Variants in RPS6KC1 observed in about 807,000 individuals in gnomAD.
RPS6KC1 encodes the protein ribosomal protein S6 kinase C1, also known as inactive ribosomal protein S6 kinase delta-1.
Under a neutral mutation model 103.8 loss-of-function variants are expected in RPS6KC1, and 54 were observed. That is an observed-to-expected ratio of 0.52 (90% CI 0.42 to 0.65). The LOEUF (loss-of-function observed/expected upper bound fraction) is 0.65. Ranked by LOEUF, RPS6KC1 falls within the 30% of genes least tolerant of loss-of-function variation. RPS6KC1 has a pLI of 0.00. For missense variants in RPS6KC1, 1,151 were observed against 1,253.8 expected (o/e 0.92, Z 1.24); for synonymous variants, 439 against 438.7 (o/e 1.00, Z -0.01).
chr1:213,315,770 T>C, the RPS6KC1 span, among the ~76,000 whole-genome samples: 1 of 152,214 alleles, frequency 6.6e-6, no homozygotes, highest in Non-Finnish European at 1.5e-5. Flanking sequence ...TCAGTTTTCT[T>C]ATCTGTAAAA....
chr1:213,711,352 G>A, the RPS6KC1 span, among the ~76,000 whole-genome samples: 1 of 151,940 alleles, frequency 6.6e-6, no homozygotes, highest in Non-Finnish European at 1.5e-5. Flanking sequence ...TTGTTTTTCA[G>A]CTCCATCAGT....
intron 6 of RPS6KC1, among the ~76,000 whole-genome samples, chr1:213,142,444 A>G (rs1000621939): frequency 1.3e-5 from 2 of 152,082 alleles, no homozygotes; most frequent in African/African-American, 4.8e-5. Flanking sequence ...TGGCTCCTAG[A>G]GTTGCCAGAG....
intron 8 of RPS6KC1, among the ~76,000 whole-genome samples, chr1:213,207,787 C>T (rs773386888): frequency 6.6e-6 from 1 of 152,138 alleles, no homozygotes; most frequent in African/African-American, 2.4e-5. Context: ...GATTCTCCTG[C>T]CTCAGGCTCC....
chr1:213,211,077 G>A (rs939872555), intron 8 of RPS6KC1, among the ~76,000 whole-genome samples: 1 of 152,214 alleles, frequency 6.6e-6, no homozygotes, highest in African/African-American at 2.4e-5. Context: ...ATCAGCATCA[G>A]AGTATTTGGT....
the RPS6KC1 span, among the ~76,000 whole-genome samples, chr1:213,434,783 T>G: frequency 6.0e-5 from 3 of 49,940 alleles, no homozygotes; most frequent in African/African-American, 1.5e-4. Flanking sequence ...TAACTGACTG[T>G]TTTTTTTTCT....
At chr1:213,261,917 T>C (rs1373199545) in intron 13 of RPS6KC1, among the ~76,000 whole-genome samples, 1 of 152,218 alleles carries the variant, frequency 6.6e-6, no homozygotes, top group Non-Finnish European at 1.5e-5. Flanking sequence ...TTTTCCATGA[T>C]TCAGCTTTAA....
the RPS6KC1 span, among the ~76,000 whole-genome samples, chr1:213,799,278 G>A: frequency 3.9e-5 from 6 of 152,238 alleles, no homozygotes; most frequent in African/African-American, 1.4e-4. Context: ...ACACTGAGTT[G>A]GTGTAATTAT....
Position 213,232,194 on chromosome 1 carries a change from G to A in RPS6KC1, c.1164G>A (p.Val388=). ...TCCCCCGCTGTGTGCCCAACATGGT[G>A]TGTCTGCATAAGTACATCATCTCTG... The part of the protein sequence containing the change: ...TIIPRCVPNM[V]CLHKYIISEE... Residue 388 remains valine, a synonymous_variant, in exon 10 of 15, where the codon GTG becomes GTA. Coordinates refer to ENST00000366960, the MANE Select transcript of RPS6KC1 (RefSeq NM_012424.6). 6.2e-7 allele frequency: 1 copy of A among 1,614,098 alleles called. No individual in the cohort carries two copies. The highest frequency in any genetic ancestry group is 8.5e-7 in the Non-Finnish European group (1 of 1,179,938).
chr1:213,590,037 C>T, the RPS6KC1 span, among the ~76,000 whole-genome samples: 236 of 150,856 alleles, frequency 1.6e-3, no homozygotes, highest in African/African-American at 5.4e-3. Context: ...ATTTTTGTGA[C>T]GAATTAGAAA....
the RPS6KC1 span, among the ~76,000 whole-genome samples, chr1:213,604,674 G>A: frequency 9.2e-5 from 14 of 152,156 alleles, no homozygotes; most frequent in Non-Finnish European, 2.1e-4. Flanking sequence ...GTGGGCTGCC[G>A]ACACCCTGAC....
chr1:213,267,520 A>T lies in RPS6KC1; in HGVS notation c.3090+4704A>T, dbSNP rs571502917. On this transcript the variant is annotated intron_variant, in intron 14 of 14. Transcript: ENST00000366960. ...AGTGTAGTGTAAGACATACACAAAAACAAAAAAAGTATGTCCCATATTCAG... is the reference window on the plus strand; with the variant it reads ...AGTGTAGTGTAAGACATACACAAAATCAAAAAAAGTATGTCCCATATTCAG... Among the ~76,000 whole-genome samples, 47 of 152,168 alleles carry T rather than the reference A, an allele frequency of 3.1e-4. No homozygotes were observed. The South Asian group carries it at 9.7e-3, about 32-fold the overall frequency.
intron 1 of RPS6KC1, among the ~76,000 whole-genome samples, chr1:213,051,968 G>A (rs1485931482): frequency 6.6e-6 from 1 of 152,180 alleles, no homozygotes; most frequent in Non-Finnish European, 1.5e-5. Flanking sequence ...TGGGACAGAT[G>A]TCAGTGTTAG....
At chr1:213,556,787 C>T in the RPS6KC1 span, among the ~76,000 whole-genome samples, 2 of 152,192 alleles carry the variant, frequency 1.3e-5, no homozygotes, top group African/African-American at 2.4e-5. Flanking sequence ...GGGAAAGCCC[C>T]AAGCACACAC....
chr1:213,424,421 G>T, the RPS6KC1 span, among the ~76,000 whole-genome samples: 1 of 152,224 alleles, frequency 6.6e-6, no homozygotes, highest in Admixed American at 6.5e-5. Context: ...AATGGGTTTA[G>T]GTAACTTAGA....
At chr1:213,387,549 C>T in the RPS6KC1 span, among the ~76,000 whole-genome samples, 1 of 152,216 alleles carries the variant, frequency 6.6e-6, no homozygotes, top group Non-Finnish European at 1.5e-5. Context: ...AAGGACTTTA[C>T]TCTCTTTTCC....
chr1:213,764,774 C>T, the RPS6KC1 span, among the ~76,000 whole-genome samples: 1 of 152,246 alleles, frequency 6.6e-6, no homozygotes, highest in East Asian at 1.9e-4. Flanking sequence ...TGGAAGGGAC[C>T]AAGCCATGCC....
At chr1:213,313,199 G>A in the RPS6KC1 span, among the ~76,000 whole-genome samples, 1 of 152,150 alleles carries the variant, frequency 6.6e-6, no homozygotes, top group East Asian at 1.9e-4. Context: ...CAAAACTCAT[G>A]CAAGAGCCTG....
At chr1:213,567,047 G>T in the RPS6KC1 span, among the ~76,000 whole-genome samples, 1 of 152,142 alleles carries the variant, frequency 6.6e-6, no homozygotes, top group South Asian at 2.1e-4. Context: ...TCCCTTCAGA[G>T]AAATTTTTTC....
At chr1:213,101,191 C>A (rs2081991401) in intron 3 of RPS6KC1, among the ~76,000 whole-genome samples, 1 of 152,140 alleles carries the variant, frequency 6.6e-6, no homozygotes, top group African/African-American at 2.4e-5. Context: ...TGATGTTGAG[C>A]ATATTTTCAT....
Sources: gnomAD v4.1 joint callset for allele counts (sites outside exome capture counted in the v4.1 genomes callset) on GRCh38, gnomAD v4.1.1 for gene constraint, MANE v1.5 for transcripts, NCBI Gene and HGNC (gene_info 2026-07-23, HGNC 2026-07-21) for gene names.